Variants in AGAP1 observed in about 807,000 individuals in gnomAD.
AGAP1 encodes the protein arf-GAP with GTPase, ANK repeat and PH domain-containing protein 1.
In AGAP1, 29 loss-of-function variants were observed where a neutral mutation model predicts 105.3. That is an observed-to-expected ratio of 0.28 (90% confidence interval 0.21 to 0.38). The LOEUF is 0.38. AGAP1 is among the 10% of genes least tolerant of loss of function. AGAP1 has a pLI of 1.00. For synonymous variants in AGAP1, 509 were observed against 485.9 expected (o/e 1.05, Z -0.63); for missense variants, 998 against 1,165.1 (o/e 0.86, Z 2.09).
intron 13 of AGAP1, among the ~76,000 whole-genome samples, chr2:235,978,918 A>G (rs1348275429): frequency 6.6e-6 from 1 of 152,184 alleles, no homozygotes; most frequent in Non-Finnish European, 1.5e-5. Flanking sequence ...TTTAAAAAAA[A>G]AAGATGCAAA....
intron 8 of AGAP1, among the ~76,000 whole-genome samples, chr2:235,802,827 TGTG>T (rs1333168745): frequency 1.9e-5 from 2 of 105,488 alleles, no homozygotes; most frequent in Non-Finnish European, 4.0e-5. Context: ...ATGTTGTGGT[TGTG>T]ATGATGGTTA....
At chr2:235,654,400 A>T (rs1288139448) in intron 1 of AGAP1, among the ~76,000 whole-genome samples, 1 of 152,230 alleles carries the variant, frequency 6.6e-6, no homozygotes, top group Non-Finnish European at 1.5e-5. Context: ...TACAATAGCA[A>T]GATAAGGGAA....
At chr2:235,835,714 G>A (rs761773803) in intron 9 of AGAP1, among the ~76,000 whole-genome samples, 2 of 152,198 alleles carry the variant, frequency 1.3e-5, no homozygotes, top group African/African-American at 4.8e-5. Flanking sequence ...CAACAAAATC[G>A]TGTCTCCATT....
At chr2:236,057,881 A>G (rs1395633674) in intron 16 of AGAP1, among the ~76,000 whole-genome samples, 1 of 152,198 alleles carries the variant, frequency 6.6e-6, no homozygotes, top group African/African-American at 2.4e-5. Flanking sequence ...TTTATCCAGA[A>G]GATACAATCA....
At chr2:235,742,888 T>C (rs1952674016) in intron 4 of AGAP1, among the ~76,000 whole-genome samples, 1 of 152,094 alleles carries the variant, frequency 6.6e-6, no homozygotes, top group Non-Finnish European at 1.5e-5. Context: ...CAGAAGAGGC[T>C]AGGTGCAGCG....
At chr2:236,097,945 A>G (rs538577108) in intron 16 of AGAP1, among the ~76,000 whole-genome samples, 1 of 152,278 alleles carries the variant, frequency 6.6e-6, no homozygotes, top group Non-Finnish European at 1.5e-5. Context: ...TTACTTCACT[A>G]GCAGAGTGTC....
intron 9 of AGAP1, among the ~76,000 whole-genome samples, chr2:235,848,543 A>G (rs1473079955): frequency 6.6e-6 from 1 of 152,250 alleles, no homozygotes; most frequent in African/African-American, 2.4e-5. Context: ...AGTGAAACTA[A>G]TAATCCATTG....
chr2:236,011,206 G>A (rs58557459), intron 13 of AGAP1, among the ~76,000 whole-genome samples: 63 of 152,350 alleles, frequency 4.1e-4, no homozygotes, highest in African/African-American at 1.4e-3. Context: ...CACGGTTCAC[G>A]TTTTGGCACC....
chr2:235,960,500 T>C lies in AGAP1; in HGVS notation c.1484-7962T>C, dbSNP rs576559238. ...GGGGTGGCTGGAGGTGGCCTGGGTATGCTCGGTCCAGTGCAGGTGGGCGTG... is the reference window on the plus strand; with the variant it reads ...GGGGTGGCTGGAGGTGGCCTGGGTACGCTCGGTCCAGTGCAGGTGGGCGTG... On this transcript the variant is annotated intron_variant, in intron 12 of 17. Transcript: ENST00000304032. The surrounding 1 kb of genome is among the most constrained non-coding windows in gnomAD (Gnocchi z 4.9). Among the ~76,000 whole-genome samples the C allele has an allele frequency of 2.6e-5, 4 of 152,290 alleles. No individual in the cohort carries two copies. The South Asian group carries it at 8.3e-4, about 32-fold the overall frequency.
chr2:235,618,316 C>T (rs563547679), intron 1 of AGAP1, among the ~76,000 whole-genome samples: 9 of 152,084 alleles, frequency 5.9e-5, no homozygotes, highest in Admixed American at 4.6e-4. Context: ...GGTGATTTTT[C>T]GGGAGCAGTT....
intron 13 of AGAP1, among the ~76,000 whole-genome samples, chr2:235,996,069 C>G (rs2055800841): frequency 6.6e-6 from 1 of 152,190 alleles, no homozygotes; most frequent in Non-Finnish European, 1.5e-5. Flanking sequence ...TAACTGGAGG[C>G]TTGCCAACCG....
intron 9 of AGAP1, among the ~76,000 whole-genome samples, chr2:235,854,553 C>T (rs952005684): frequency 6.6e-6 from 1 of 152,230 alleles, no homozygotes; most frequent in Admixed American, 6.5e-5. Flanking sequence ...AAAGCCAGCT[C>T]TACAGCAGGC....
At chr2:235,880,503 G>C (rs1187871495) in intron 9 of AGAP1, among the ~76,000 whole-genome samples, 7 of 151,826 alleles carry the variant, frequency 4.6e-5, no homozygotes. Flanking sequence ...GGGCGAGGCG[G>C]GTGGATCACC....
rs989334031 is a variant in AGAP1, at chr2:236,104,446, C to T, written c.2115-15746C>T. On this transcript the variant is annotated intron_variant, in intron 16 of 17. Coordinates refer to ENST00000304032, the MANE Select transcript of AGAP1 (RefSeq NM_001037131.3). The surrounding 1 kb of genome is among the most constrained non-coding windows in gnomAD (Gnocchi z 4.7). ...ACAGGGGTGGATCCTGCCCCTCGAC[C>T]AGCACCTGTGCTGTCTGCCCCTCAC... 3.3e-5 allele frequency among the ~76,000 whole-genome samples: 5 copies of T among 152,272 alleles called. No homozygotes were observed. Among genetic ancestry groups the T allele is most frequent in the Admixed American group, 6.5e-5 (1 of 15,294 alleles).
Position 235,851,199 on chromosome 2 carries a change from T to C in AGAP1, c.1051-32146T>C, listed in dbSNP as rs138165237. Among the ~76,000 whole-genome samples, 122 of 152,338 alleles carry C rather than the reference T, an allele frequency of 8.0e-4. 1 individual carries two copies. The highest frequency in any genetic ancestry group is 2.6e-3 in the African/African-American group (110 of 41,592). On this transcript the variant is annotated intron_variant, in intron 9 of 17. Coordinates refer to ENST00000304032, the MANE Select transcript of AGAP1 (RefSeq NM_001037131.3). ...CCTGGCCTAGAGTGCAAGGAGCCAG[T>C]GGACCTGAGAGGGCCCTGTCCAGGC...
chr2:235,803,878 C>A (rs995214558), intron 8 of AGAP1, among the ~76,000 whole-genome samples: 1 of 152,018 alleles, frequency 6.6e-6, no homozygotes, highest in African/African-American at 2.4e-5. Context: ...GGAAAAAAAA[C>A]AAACATTAAA....
In AGAP1 at chr2:235,711,124, G is replaced by A. The variant is rs1038555525; in HGVS notation, c.222+1887G>A. Among the ~76,000 whole-genome samples, 8 of 152,200 alleles carry A rather than the reference G, an allele frequency of 5.3e-5. No individual in the cohort carries two copies. The East Asian group carries it at 5.8e-4, about 11-fold the overall frequency. ...TTTCTCGACGGTAAAAACCTCCTGC[G>A]TCTGCACTGCCCAGTGCCGTCACGG... On this transcript the variant is annotated intron_variant, in intron 2 of 17. Coordinates refer to ENST00000304032, the MANE Select transcript of AGAP1 (RefSeq NM_001037131.3).
Position 236,049,413 on chromosome 2 carries a change from G to A in AGAP1, c.2114+132G>A, listed in dbSNP as rs554280715. On this transcript the variant is annotated intron_variant, in intron 16 of 17. Coordinates refer to ENST00000304032, the MANE Select transcript of AGAP1 (RefSeq NM_001037131.3). ...GGAATTCGGGAATTCCGATTCATCC[G>A]GCATAGGAATGTCTGTGTTTAAAGT... The A allele has an allele frequency of 1.1e-3, 839 of 779,998 alleles. 12 individuals carry two copies. The South Asian group carries it at 0.014, about 13-fold the overall frequency. The allele number at this position is 779,998 out of a possible 1,614,324, so 48.3% of individuals were successfully genotyped here. A position where few individuals can be genotyped will look rare whatever the true frequency, so the allele number is the denominator to read the frequency against.
chr2:235,612,221 T>C lies in AGAP1; in HGVS notation c.164-96958T>C, dbSNP rs1197163037. ...GGGTGTACGCTGGGCGGGTTCGCAG[T>C]GCTGGAAGAGAGAGTGGACAGATTT... On this transcript the variant is annotated intron_variant, in intron 1 of 17. Coordinates refer to ENST00000304032, the MANE Select transcript of AGAP1 (RefSeq NM_001037131.3). This position sits in a 1 kb window ranked among gnomAD's most constrained non-coding sequence, Gnocchi z 4.3. 6.6e-6 allele frequency among the ~76,000 whole-genome samples: 1 copy of C among 152,186 alleles called. No homozygotes were observed. The highest frequency in any genetic ancestry group is 1.5e-5 in the Non-Finnish European group (1 of 68,044).
Sources: allele counts gnomAD v4.1 joint callset (sites outside exome capture counted in the v4.1 genomes callset), GRCh38; gene constraint gnomAD v4.1.1; non-coding constraint Gnocchi (gnomAD v3.1); transcripts MANE v1.5; gene names NCBI Gene and HGNC (gene_info 2026-07-23, HGNC 2026-07-21).